KCNH8: variants seen among roughly 807,000 people sequenced by gnomAD.
KCNH8 encodes potassium voltage-gated channel subfamily H member 8, also known as voltage-gated delayed rectifier potassium channel KCNH8.
In KCNH8, 70 loss-of-function variants were observed where a neutral mutation model predicts 103.6. That is an observed-to-expected ratio of 0.68 (90% CI 0.56 to 0.82). The LOEUF is 0.82. Ranked by LOEUF, KCNH8 falls within the 40% of genes least tolerant of loss-of-function variation. The probability of loss-of-function intolerance (pLI) is 0.00; values close to 1 mark genes in which losing one functional copy is unlikely to be tolerated. For missense variants in KCNH8, 1,217 were observed against 1,329.9 expected, an observed-to-expected ratio of 0.92 and a Z score of 1.32; for synonymous variants, 498 against 489.4, an observed-to-expected ratio of 1.02 and a Z score of -0.23.
At chr3:19,249,821 G>A (rs1367642614) in intron 1 of KCNH8, among the ~76,000 whole-genome samples, 1 of 152,134 alleles carries the variant, frequency 6.6e-6, no homozygotes, top group African/African-American at 2.4e-5. Context: ...TTTGGGAAAG[G>A]AAGGAAATAC....
chr3:19,354,914 C>T (rs1180996424), intron 5 of KCNH8, among the ~76,000 whole-genome samples: 1 of 152,126 alleles, frequency 6.6e-6, no homozygotes, highest in Non-Finnish European at 1.5e-5. Flanking sequence ...TTCTGCACTG[C>T]AAAAGAAACT....
At chr3:19,391,221 G>T (rs567815773) in intron 6 of KCNH8, among the ~76,000 whole-genome samples, 1 of 152,128 alleles carries the variant, frequency 6.6e-6, no homozygotes, top group East Asian at 1.9e-4. Context: ...TCTTGAATTT[G>T]CATGAATCTT....
intron 1 of KCNH8, among the ~76,000 whole-genome samples, chr3:19,202,332 C>T (rs1474954871): frequency 1.3e-5 from 2 of 152,074 alleles, no homozygotes; most frequent in Admixed American, 1.3e-4. Context: ...GTTTGCATCT[C>T]CTGCCATAAT....
chr3:19,230,024 G>A (rs1273447106), intron 1 of KCNH8, among the ~76,000 whole-genome samples: 3 of 125,392 alleles, frequency 2.4e-5, no homozygotes, highest in South Asian at 2.1e-4. Flanking sequence ...GAATCATGGC[G>A]AAGGTGAAAG....
intron 2 of KCNH8, among the ~76,000 whole-genome samples, chr3:19,279,376 G>A (rs529521058): frequency 1.3e-5 from 2 of 152,168 alleles, no homozygotes; most frequent in East Asian, 3.9e-4. Context: ...TGGAGTGAAG[G>A]ATGTGACAAT....
chr3:19,402,732 G>T (rs1315195430), intron 7 of KCNH8, among the ~76,000 whole-genome samples: 1 of 151,764 alleles, frequency 6.6e-6, no homozygotes, highest in Non-Finnish European at 1.5e-5. Context: ...GGAATAAGTG[G>T]GTGAACAACA....
chr3:19,185,723 G>T (rs1410835928), intron 1 of KCNH8, among the ~76,000 whole-genome samples: 1 of 151,822 alleles, frequency 6.6e-6, no homozygotes, highest in Non-Finnish European at 1.5e-5. Context: ...TGATTTATTT[G>T]CTGGGGATTT....
chr3:19,266,767 C>A (rs2064518477), intron 2 of KCNH8, among the ~76,000 whole-genome samples: 1 of 152,098 alleles, frequency 6.6e-6, no homozygotes, highest in African/African-American at 2.4e-5. Flanking sequence ...TCCCTATATT[C>A]TCACATAAAC....
At chr3:19,462,338 C>A (rs552090379) in intron 11 of KCNH8, among the ~76,000 whole-genome samples, 4 of 152,308 alleles carry the variant, frequency 2.6e-5, no homozygotes, top group South Asian at 4.1e-4. Context: ...GCCATTCTAA[C>A]TGGTGTGAGA....
At chr3:19,339,109 A>C (rs1467799149) in intron 3 of KCNH8, among the ~76,000 whole-genome samples, 11 of 152,108 alleles carry the variant, frequency 7.2e-5, no homozygotes, top group Non-Finnish European at 1.3e-4. Context: ...ATTGTGACTA[A>C]ATATTTTCAC....
intron 3 of KCNH8, among the ~76,000 whole-genome samples, chr3:19,328,727 A>T (rs1017166747): frequency 6.6e-6 from 1 of 152,190 alleles, no homozygotes; most frequent in Non-Finnish European, 1.5e-5. Flanking sequence ...TTCTTGATTC[A>T]TACATTATTT....
chr3:19,381,617 G>A (rs2066289245), intron 5 of KCNH8, among the ~76,000 whole-genome samples: 1 of 151,938 alleles, frequency 6.6e-6, no homozygotes, highest in Non-Finnish European at 1.5e-5. Context: ...GTATATAAAT[G>A]TGCAAGTAGT....
At chr3:19,285,400 G>A (rs1335406663) in intron 3 of KCNH8, among the ~76,000 whole-genome samples, 1 of 152,056 alleles carries the variant, frequency 6.6e-6, no homozygotes, top group African/African-American at 2.4e-5. Context: ...CAGGAACTGA[G>A]TTTCCTCATC....
chr3:19,408,403 C>T (rs976401759), intron 7 of KCNH8, among the ~76,000 whole-genome samples: 3 of 151,936 alleles, frequency 2.0e-5, no homozygotes, highest in African/African-American at 7.3e-5. Flanking sequence ...TTAGAAGTGC[C>T]AGCATCTCCA....
At chr3:19,379,944 GTTATT>G (rs1205199009) in intron 5 of KCNH8, among the ~76,000 whole-genome samples, 1 of 152,114 alleles carries the variant, frequency 6.6e-6, no homozygotes, top group Non-Finnish European at 1.5e-5. Flanking sequence ...GTAATAAAAG[GTTATT>G]TTGAGGATAA....
chr3:19,357,498 C>G (rs918293038), intron 5 of KCNH8, among the ~76,000 whole-genome samples: 2 of 151,692 alleles, frequency 1.3e-5, no homozygotes, highest in African/African-American at 2.4e-5. Context: ...AAAAAAATCA[C>G]TTGATTGTTT....
At chr3:19,195,706 A>C (rs1234069416) in intron 1 of KCNH8, among the ~76,000 whole-genome samples, 2 of 151,990 alleles carry the variant, frequency 1.3e-5, no homozygotes, top group South Asian at 4.1e-4. Flanking sequence ...CCTGTGACCC[A>C]AGCTCAGCCA....
rs113159230 is a variant in KCNH8, at chr3:19,287,572, T to TTTGTTGTTG, written c.442+6268_442+6276dup. 3.1e-3 allele frequency among the ~76,000 whole-genome samples: 460 copies of TTTGTTGTTG among 150,784 alleles called. 4 individuals carry two copies. Among genetic ancestry groups the TTTGTTGTTG allele is most frequent in the African/African-American group, 0.01 (416 of 40,958 alleles). On this transcript the variant is annotated intron_variant, in intron 3 of 15. Transcript: ENST00000328405. ...TTAATAAGCTCCCCACAGTCCACTT[T>TTTGTTGTTG]TTGTTGTTGTTGTTGTTGTTGTTGT...
At chr3:19,241,035 T>C (rs992660017) in intron 1 of KCNH8, among the ~76,000 whole-genome samples, 14 of 152,144 alleles carry the variant, frequency 9.2e-5, no homozygotes, top group African/African-American at 3.4e-4. Context: ...TTTTGTTAAG[T>C]GGAAGAAATT....
Sources: gnomAD v4.1 joint callset for allele counts (sites outside exome capture counted in the v4.1 genomes callset) on GRCh38, gnomAD v4.1.1 for gene constraint, MANE v1.5 for transcripts, NCBI Gene and HGNC (gene_info 2026-07-23, HGNC 2026-07-21) for gene names.